FBXL5: variants seen among roughly 807,000 people sequenced by gnomAD.
FBXL5 encodes F-box and leucine rich repeat protein 5.
Under a neutral mutation model 78.3 loss-of-function variants are expected in FBXL5, and 26 were observed. The observed-to-expected ratio is 0.33, with a 90% CI of 0.24 to 0.46. FBXL5 has a LOEUF of 0.46. FBXL5 is among the 20% of genes least tolerant of loss of function. The pLI is 1.00. For synonymous variants in FBXL5, 295 were observed against 282.5 expected (o/e 1.04, Z -0.45); for missense variants, 710 against 829.2 (o/e 0.86, Z 1.77).
chr4:15,666,981 T>C (rs1717573773), intron 1 of FBXL5, among the ~76,000 whole-genome samples: 1 of 152,198 alleles, frequency 6.6e-6, no homozygotes, highest in Admixed American at 6.5e-5. Context: ...CATAAATGTA[T>C]ACAATTATAA....
intron 9 of FBXL5, among the ~76,000 whole-genome samples, chr4:15,617,598 T>C (rs1329983038): frequency 1.3e-5 from 2 of 149,838 alleles, no homozygotes; most frequent in Non-Finnish European, 3.0e-5. Context: ...CATGAAATAC[T>C]ATGCAGCCAT....
At chr4:15,680,774 T>G (rs890945097) in intron 1 of FBXL5, among the ~76,000 whole-genome samples, 4 of 151,958 alleles carry the variant, frequency 2.6e-5, no homozygotes, top group Admixed American at 6.6e-5. Flanking sequence ...AGAGAAATGC[T>G]GATAAAGTCG....
chr4:15,611,740 A>T (rs958324653), intron 10 of FBXL5, among the ~76,000 whole-genome samples: 1 of 151,992 alleles, frequency 6.6e-6, no homozygotes, highest in Non-Finnish European at 1.5e-5. Flanking sequence ...AGCATCTCAG[A>T]CTCTTCTCAA....
rs1712928892 is a variant in FBXL5, at chr4:15,625,370, A to G, written c.1732T>C (p.Leu578=). 8 of 1,614,070 alleles carry G rather than the reference A, an allele frequency of 5.0e-6. No homozygotes were observed. The highest frequency in any genetic ancestry group is 2.7e-5 in the African/African-American group (2 of 74,936). Residue 578 remains leucine, a synonymous_variant, in exon 9 of 11, where the codon TTG becomes CTG. Coordinates refer to ENST00000341285, the MANE Select transcript of FBXL5 (RefSeq NM_012161.4). ...TAAATTAAGTCTTTTCCCCTAGGCA[A>G]TCTAGTCCTTGCTGCTTTTCTACAC... The part of the protein sequence containing the change: ...AMCRKAARTR[L]PRGKDLIYFG...
intron 1 of FBXL5, among the ~76,000 whole-genome samples, chr4:15,644,946 T>C (rs1296744556): frequency 1.3e-5 from 2 of 152,288 alleles, no homozygotes; most frequent in Admixed American, 6.5e-5. Flanking sequence ...AAAAATGATA[T>C]GTGCACAAAT....
At chr4:15,674,862 G>A (rs895606755) in intron 1 of FBXL5, among the ~76,000 whole-genome samples, 3 of 152,110 alleles carry the variant, frequency 2.0e-5, no homozygotes, top group Non-Finnish European at 4.4e-5. Context: ...TGTTAGCCAG[G>A]ATGGTCTCGA....
intron 5 of FBXL5, 98 bp downstream of exon 5, chr4:15,636,396 G>T: frequency 1.0e-6 from 1 of 957,550 alleles, no homozygotes; most frequent in Non-Finnish European, 1.4e-6. Context: ...CTTTTTGATT[G>T]ACCTCTCAGA....
chr4:15,641,909 C>T (rs1347598830), intron 2 of FBXL5, among the ~76,000 whole-genome samples: 1 of 151,906 alleles, frequency 6.6e-6, no homozygotes, highest in Non-Finnish European at 1.5e-5. Context: ...CACCTGTAAT[C>T]CCAGCTACTC....
chr4:15,671,073 G>A (rs1158029642), intron 1 of FBXL5, among the ~76,000 whole-genome samples: 4 of 151,512 alleles, frequency 2.6e-5, no homozygotes, highest in South Asian at 2.1e-4. Context: ...ACAGGTGCCC[G>A]CCACCACACC....
chr4:15,657,984 C>G (rs1426171336), upstream of FBXL5, among the ~76,000 whole-genome samples: 1 of 152,206 alleles, frequency 6.6e-6, no homozygotes, highest in Non-Finnish European at 1.5e-5. Flanking sequence ...TGAAAACCCA[C>G]ATTGTAGAAT....
intron 9 of FBXL5, among the ~76,000 whole-genome samples, chr4:15,619,309 A>G (rs1712236219): frequency 6.6e-6 from 1 of 152,206 alleles, no homozygotes; most frequent in Non-Finnish European, 1.5e-5. Context: ...CTCAGCTAAT[A>G]CCAGTAAACT....
At chr4:15,672,190 G>C (rs182581009) in intron 1 of FBXL5, among the ~76,000 whole-genome samples, 78 of 152,278 alleles carry the variant, frequency 5.1e-4, no homozygotes, top group African/African-American at 1.8e-3. Context: ...TCAGTCTAGG[G>C]CTAATGGTTT....
At chr4:15,627,654 T>TA (rs1417464806) in intron 7 of FBXL5, among the ~76,000 whole-genome samples, 1 of 152,214 alleles carries the variant, frequency 6.6e-6, no homozygotes, top group Non-Finnish European at 1.5e-5. Context: ...TAACCTCTTC[T>TA]AGTCAGTTTC....
chr4:15,642,424 T>TG (rs1714978889), intron 2 of FBXL5, among the ~76,000 whole-genome samples: 1 of 151,944 alleles, frequency 6.6e-6, no homozygotes, highest in Admixed American at 6.6e-5. Context: ...TTAGTAGAGA[T>TG]GGGGTTTCAC....
upstream of FBXL5, among the ~76,000 whole-genome samples, chr4:15,664,323 C>A (rs574808937): frequency 3.3e-5 from 5 of 152,172 alleles, no homozygotes; most frequent in Non-Finnish European, 5.9e-5. Context: ...TCATTTCAAT[C>A]CTTGCACCAA....
Position 15,681,394 on chromosome 4 carries a change from G to A in FBXL5, c.-295C>T, listed in dbSNP as rs185066300. 215 of 173,132 alleles carry A rather than the reference G, an allele frequency of 1.2e-3. 1 individual carries two copies. The highest frequency in any genetic ancestry group is 2.4e-3 in the Non-Finnish European group (178 of 72,906). The allele number at this position is 173,132 out of a possible 1,614,324, so 10.7% of individuals were successfully genotyped here. On this transcript the variant is annotated 5_prime_UTR_variant, in exon 1 of 5. Transcript: ENST00000507899. ...TTCAGCGCCACTACCTGCTTCGCCTGGTTGTGGTGTGGCTGCTGCGCCAAC... is the reference window on the plus strand; with the variant it reads ...TTCAGCGCCACTACCTGCTTCGCCTAGTTGTGGTGTGGCTGCTGCGCCAAC...
intron 1 of FBXL5, among the ~76,000 whole-genome samples, chr4:15,671,393 T>C (rs74452527): frequency 0.014 from 2,196 of 152,182 alleles, 46 homozygotes; most frequent in African/African-American, 0.05. Flanking sequence ...ATTTAAGATT[T>C]TATCTTTATC....
intron 9 of FBXL5, among the ~76,000 whole-genome samples, chr4:15,620,225 C>T (rs1712341969): frequency 2.0e-5 from 3 of 151,908 alleles, no homozygotes; most frequent in Admixed American, 6.6e-5. Context: ...AGAAATTAAC[C>T]ATAGAGGTAA....
At chr4:15,652,631 T>C (rs1279889535) in intron 1 of FBXL5, among the ~76,000 whole-genome samples, 1 of 152,204 alleles carries the variant, frequency 6.6e-6, no homozygotes, top group Non-Finnish European at 1.5e-5. Flanking sequence ...ACCTAAAAAA[T>C]AAGTAGACTA....
Sources: gnomAD v4.1 joint callset for allele counts (sites outside exome capture counted in the v4.1 genomes callset) on GRCh38, gnomAD v4.1.1 for gene constraint, MANE v1.5 for transcripts, NCBI Gene and HGNC (gene_info 2026-07-23, HGNC 2026-07-21) for gene names.